CHSY3: variants seen among roughly 807,000 people sequenced by gnomAD.
The protein encoded by CHSY3 is chondroitin sulfate synthase 3, also known as N-acetylgalactosaminyl-proteoglycan 3-beta-glucuronosyltransferase 3.
In CHSY3, 35 loss-of-function variants were observed where a neutral mutation model predicts 67.2. That is an observed-to-expected ratio of 0.52 (90% confidence interval 0.40 to 0.69). The LOEUF (loss-of-function observed/expected upper bound fraction) is 0.69. Among genes scored for constraint, CHSY3 ranks in the 30% least tolerant of loss-of-function variants. CHSY3 has a pLI of 0.00. For missense variants in CHSY3, 1,069 were observed against 1,138.5 expected, an observed-to-expected ratio of 0.94 and a Z score of 0.88; for synonymous variants, 474 against 434.7, an observed-to-expected ratio of 1.09 and a Z score of -1.12.
intron 2 of CHSY3, among the ~76,000 whole-genome samples, chr5:130,179,765 A>G (rs1389194971): frequency 1.3e-5 from 2 of 150,740 alleles, no homozygotes. Context: ...GTGTTACACT[A>G]TTTTTCTTTT....
chr5:130,102,795 G>C (rs116807435), intron 2 of CHSY3, among the ~76,000 whole-genome samples: 1 of 152,098 alleles, frequency 6.6e-6, no homozygotes, highest in East Asian at 1.9e-4. Flanking sequence ...TGGGGTACCA[G>C]GAATCTTCTG....
intron 2 of CHSY3, among the ~76,000 whole-genome samples, chr5:129,994,612 G>T (rs1763474587): frequency 6.6e-6 from 1 of 152,016 alleles, no homozygotes; most frequent in Non-Finnish European, 1.5e-5. Flanking sequence ...GTTTATTGTG[G>T]CACTATTCGC....
rs538661329 is a variant in CHSY3 at position 130,131,062 on chromosome 5, C to T, written c.1087-53167C>T. On this transcript the variant is annotated intron_variant, in intron 2 of 2. Transcript: ENST00000305031. ...CATTTACTCTCACCACTTGTATAGC[C>T]CAGTGCTTACTCATCATCTACTCAC... 4.6e-5 allele frequency among the ~76,000 whole-genome samples: 7 copies of T among 152,234 alleles called. No individual in the cohort carries two copies. The East Asian group carries it at 1.4e-3, about 29-fold the overall frequency.
At chr5:130,065,041 T>C (rs1765838872) in intron 2 of CHSY3, among the ~76,000 whole-genome samples, 1 of 152,172 alleles carries the variant, frequency 6.6e-6, no homozygotes, top group African/African-American at 2.4e-5. Context: ...AGGCTGTGAA[T>C]AGAACTTGGT....
At chr5:129,924,059 ATTTG>A (rs1186058055) in intron 2 of CHSY3, among the ~76,000 whole-genome samples, 2 of 152,212 alleles carry the variant, frequency 1.3e-5, no homozygotes, top group Non-Finnish European at 2.9e-5. Flanking sequence ...AAACTTAGTA[ATTTG>A]TTTGAAAATT....
At chr5:130,091,522 T>A (rs1442223001) in intron 2 of CHSY3, among the ~76,000 whole-genome samples, 1 of 152,158 alleles carries the variant, frequency 6.6e-6, no homozygotes, top group East Asian at 1.9e-4. Context: ...TGCCTAATGA[T>A]CTTTTCAAGA....
At chr5:130,065,160 G>A (rs1765843213) in intron 2 of CHSY3, among the ~76,000 whole-genome samples, 1 of 151,834 alleles carries the variant, frequency 6.6e-6, no homozygotes, top group African/African-American at 2.4e-5. Flanking sequence ...TTTTTATGGT[G>A]GTTGTTTCAA....
intron 2 of CHSY3, among the ~76,000 whole-genome samples, chr5:129,953,131 TC>T (rs1762071466): frequency 8.6e-5 from 13 of 151,940 alleles, no homozygotes; most frequent in Admixed American, 7.2e-4. Context: ...CCCTCCCCTA[TC>T]CCCCTACCCC....
Position 129,971,945 on chromosome 5 carries a change from A to G in CHSY3, c.1086+63585A>G, listed in dbSNP as rs533906480. ...CTTGGATTCTACTGGGAATTCAGCT[A>G]TGCTATTTTAAACATCTCTTCATCT... On this transcript the variant is annotated intron_variant, in intron 2 of 2. Transcript: ENST00000305031. Among the ~76,000 whole-genome samples, 35 of 152,128 alleles carry G rather than the reference A, an allele frequency of 2.3e-4. No homozygotes were observed. In the South Asian group the frequency reaches 4.3e-3, roughly 19 times the overall value.
chr5:129,929,008 A>G (rs1191560088), intron 2 of CHSY3, among the ~76,000 whole-genome samples: 2 of 152,184 alleles, frequency 1.3e-5, no homozygotes, highest in African/African-American at 4.8e-5. Context: ...TTCTTCTCAC[A>G]ATGTTACACT....
intron 2 of CHSY3, among the ~76,000 whole-genome samples, chr5:129,994,417 A>G (rs539639665): frequency 6.6e-6 from 1 of 152,076 alleles, no homozygotes; most frequent in Non-Finnish European, 1.5e-5. Flanking sequence ...ATGTCTTTTT[A>G]TTCTTTTTTC....
At chr5:130,118,682 T>G (rs1286725048) in intron 2 of CHSY3, among the ~76,000 whole-genome samples, 4 of 152,160 alleles carry the variant, frequency 2.6e-5, no homozygotes, top group Non-Finnish European at 4.4e-5. Flanking sequence ...TTTTTCCACA[T>G]GTAACCTTAA....
chr5:130,060,063 T>G (rs1765660670), intron 2 of CHSY3, among the ~76,000 whole-genome samples: 1 of 151,560 alleles, frequency 6.6e-6, no homozygotes. Flanking sequence ...CCCTAACTCC[T>G]TCTGGAAAAC....
chr5:130,125,388 G>A (rs1768240730), intron 2 of CHSY3, among the ~76,000 whole-genome samples: 2 of 151,390 alleles, frequency 1.3e-5, no homozygotes, highest in African/African-American at 4.9e-5. Flanking sequence ...TTGCACTCCA[G>A]CCTGGGGAAC....
intron 2 of CHSY3, among the ~76,000 whole-genome samples, chr5:129,962,483 C>T (rs1762359252): frequency 6.6e-6 from 1 of 151,998 alleles, no homozygotes; most frequent in Admixed American, 6.6e-5. Flanking sequence ...CTCTGATTTG[C>T]AGCTGTATTT....
chr5:130,161,884 T>C (rs1392374392), intron 2 of CHSY3, among the ~76,000 whole-genome samples: 4 of 151,298 alleles, frequency 2.6e-5, no homozygotes, highest in Non-Finnish European at 5.9e-5. Context: ...ACTGAAAATA[T>C]AAAAAATTAG....
intron 2 of CHSY3, among the ~76,000 whole-genome samples, chr5:129,920,120 T>A (rs2149582351): frequency 1.3e-5 from 2 of 152,348 alleles, no homozygotes; most frequent in Admixed American, 6.5e-5. Context: ...CCACCTGAAG[T>A]CCCTGGTAAC....
At position 129,905,074 on chromosome 5, in the gene CHSY3, A is replaced by G. The variant is rs1249142187; in HGVS notation, c.245A>G (p.Asp82Gly). The G allele has an allele frequency of 2.6e-6, 4 of 1,544,798 alleles. No homozygotes were observed. The highest frequency in any genetic ancestry group is 3.5e-6 in the Non-Finnish European group (4 of 1,151,586). ...CAGTCGCCGCCCCCCGCGCGCCAGGATCTCCAGGGGCCACCGCTGCCCGAG... is the reference window on the plus strand; with the variant it reads ...CAGTCGCCGCCCCCCGCGCGCCAGGGTCTCCAGGGGCCACCGCTGCCCGAG... ...QEQSPPPARQ[D>G]LQGPPLPEAA... is the part of the protein sequence containing the mutation. Residue 82 changes from aspartate (D) to glycine (G), a missense_variant, in exon 1 of 3, where the codon GAT becomes GGT. Asp to Gly is a moderately conservative substitution (Grantham distance 94). Coordinates refer to ENST00000305031, the MANE Select transcript of CHSY3 (RefSeq NM_175856.5).
chr5:129,931,786 T>A (rs1487906324), intron 2 of CHSY3, among the ~76,000 whole-genome samples: 1 of 152,132 alleles, frequency 6.6e-6, no homozygotes, highest in Non-Finnish European at 1.5e-5. Flanking sequence ...GAAAACTGTT[T>A]CCTGGCATGG....
Sources: allele counts gnomAD v4.1 joint callset (sites outside exome capture counted in the v4.1 genomes callset), GRCh38; gene constraint gnomAD v4.1.1; transcripts MANE v1.5; gene names NCBI Gene and HGNC (gene_info 2026-07-23, HGNC 2026-07-21).